Variants in KCTD16 observed in about 807,000 individuals in gnomAD.
The protein encoded by KCTD16 is BTB/POZ domain-containing protein KCTD16.
A neutral mutation model predicts 33.2 loss-of-function variants in KCTD16; 13 were observed. That is an observed-to-expected ratio of 0.39 (90% CI 0.25 to 0.62). The LOEUF is 0.62. Ranked by LOEUF, KCTD16 falls within the 20% of genes least tolerant of loss-of-function variation. The probability of loss-of-function intolerance (pLI) is 0.50; values close to 1 mark genes in which losing one functional copy is unlikely to be tolerated. For synonymous variants in KCTD16, 197 were observed against 195.3 expected, an observed-to-expected ratio of 1.01 and a Z score of -0.07; for missense variants, 441 against 525.1, an observed-to-expected ratio of 0.84 and a Z score of 1.57.
Position 144,379,943 on chromosome 5 carries a change from A to T in KCTD16, c.833-93717A>T, listed in dbSNP as rs374996227. Among the ~76,000 whole-genome samples, 35 of 152,162 alleles carry T rather than the reference A, an allele frequency of 2.3e-4. No homozygotes were observed. The East Asian group carries it at 6.6e-3, about 29-fold the overall frequency. On this transcript the variant is annotated intron_variant, in intron 3 of 3. Coordinates refer to ENST00000512467, the MANE Select transcript of KCTD16 (RefSeq NM_020768.4). ...ATTGTAAATGTAGTCTATATTTTTAATTTTTTTCATTTTCCTTACATACAT... is the reference window on the plus strand; with the variant it reads ...ATTGTAAATGTAGTCTATATTTTTATTTTTTTTCATTTTCCTTACATACAT...
At chr5:144,298,735 A>G (rs1756117180) in intron 3 of KCTD16, among the ~76,000 whole-genome samples, 1 of 152,052 alleles carries the variant, frequency 6.6e-6, no homozygotes, top group Admixed American at 6.6e-5. Context: ...TTGTTTTCAG[A>G]TGCGACTGAG....
chr5:144,267,666 A>G (rs979464798), intron 3 of KCTD16, among the ~76,000 whole-genome samples: 5 of 152,118 alleles, frequency 3.3e-5, no homozygotes, highest in African/African-American at 1.2e-4. Context: ...CAAAGTTTCC[A>G]CAGAGGATCT....
chr5:144,364,035 T>A (rs1033623230), intron 3 of KCTD16, among the ~76,000 whole-genome samples: 1 of 152,226 alleles, frequency 6.6e-6, no homozygotes, highest in Non-Finnish European at 1.5e-5. Context: ...GACTTTTTAA[T>A]GTTTGTTAGA....
chr5:144,330,411 C>CAAA (rs10577099), intron 3 of KCTD16, among the ~76,000 whole-genome samples: 97 of 87,086 alleles, frequency 1.1e-3, no homozygotes, highest in East Asian at 1.9e-3. Context: ...GAAACTCCAT[C>CAAA]AAAAAAAAAA....
At chr5:144,417,840 T>C (rs1321059464) in intron 3 of KCTD16, among the ~76,000 whole-genome samples, 2 of 152,150 alleles carry the variant, frequency 1.3e-5, no homozygotes, top group Admixed American at 6.6e-5. Flanking sequence ...TGGTATTATT[T>C]GTTGAAGATG....
chr5:144,346,201 G>A (rs988823539), intron 3 of KCTD16, among the ~76,000 whole-genome samples: 2 of 151,960 alleles, frequency 1.3e-5, no homozygotes, highest in African/African-American at 4.8e-5. Flanking sequence ...TTCTTTTTAT[G>A]GTTGAATAGT....
intron 3 of KCTD16, among the ~76,000 whole-genome samples, chr5:144,275,672 T>TA (rs1755420316): frequency 6.6e-6 from 1 of 152,138 alleles, no homozygotes; most frequent in Admixed American, 6.6e-5. Flanking sequence ...AATTTAAAAA[T>TA]AAATACGTGC....
intron 3 of KCTD16, among the ~76,000 whole-genome samples, chr5:144,345,121 C>T (rs531664706): frequency 1.8e-4 from 27 of 149,760 alleles, no homozygotes; most frequent in Admixed American, 4.0e-4. Flanking sequence ...AACCAAACAC[C>T]GCATGTTCTC....
intron 3 of KCTD16, among the ~76,000 whole-genome samples, chr5:144,459,712 C>G (rs960873573): frequency 6.6e-6 from 1 of 151,692 alleles, no homozygotes; most frequent in Admixed American, 6.6e-5. Flanking sequence ...TTAAATCATG[C>G]AATTTCCTGG....
At chr5:144,457,430 G>C (rs1176197775) in intron 3 of KCTD16, among the ~76,000 whole-genome samples, 1 of 152,324 alleles carries the variant, frequency 6.6e-6, no homozygotes, top group South Asian at 2.1e-4. Flanking sequence ...AGGAACAACT[G>C]AGCTGACTCT....
intron 3 of KCTD16, among the ~76,000 whole-genome samples, chr5:144,300,702 CTCATAATTGATATACAA>C (rs1490976105): frequency 1.3e-5 from 2 of 152,128 alleles, no homozygotes; most frequent in Non-Finnish European, 2.9e-5. Flanking sequence ...GCCATATAAA[CTCATAATTGATATACAA>C]TGTGGTTGGG....
At chr5:144,265,732 G>C (rs951516878) in intron 3 of KCTD16, among the ~76,000 whole-genome samples, 1 of 152,176 alleles carries the variant, frequency 6.6e-6, no homozygotes, top group Non-Finnish European at 1.5e-5. Flanking sequence ...TGATAATCAA[G>C]ATGTATTTGA....
intron 3 of KCTD16, among the ~76,000 whole-genome samples, chr5:144,345,315 T>A (rs374558811): frequency 1.3e-5 from 2 of 152,098 alleles, no homozygotes; most frequent in East Asian, 3.9e-4. Context: ...GTAACTAAGC[T>A]GCACATTGTG....
At chr5:144,228,173 C>G (rs563133852) in intron 3 of KCTD16, among the ~76,000 whole-genome samples, 1 of 152,014 alleles carries the variant, frequency 6.6e-6, no homozygotes, top group East Asian at 1.9e-4. Flanking sequence ...GAGAGTAGGT[C>G]CGAGAATGGA....
chr5:144,224,300 G>A (rs1254000175), intron 3 of KCTD16, among the ~76,000 whole-genome samples: 1 of 148,892 alleles, frequency 6.7e-6, no homozygotes, highest in Admixed American at 6.7e-5. Context: ...TAAATGCTTT[G>A]TACCTAGTAG....
intron 3 of KCTD16, among the ~76,000 whole-genome samples, chr5:144,345,936 G>C (rs1752788210): frequency 6.7e-6 from 1 of 150,216 alleles, no homozygotes. Context: ...CTATCAAATA[G>C]TAGGTCTTAT....
At position 144,311,959 on chromosome 5, in the gene KCTD16, A is replaced by G. The variant is rs558188275; in HGVS notation, c.832+104413A>G. Among the ~76,000 whole-genome samples, 8 of 151,054 alleles carry G rather than the reference A, an allele frequency of 5.3e-5. No individual in the cohort carries two copies. The South Asian group carries it at 8.3e-4, about 16-fold the overall frequency. Reference sequence around the variant, plus strand: ...AAAAGGTGATTTCTTTTTTTTTTCTATTACTAAGTGTTTTAAAACTTCTTC... The same window carrying G: ...AAAAGGTGATTTCTTTTTTTTTTCTGTTACTAAGTGTTTTAAAACTTCTTC... On this transcript the variant is annotated intron_variant, in intron 3 of 3. Transcript: ENST00000512467.
chr5:144,367,871 T>A (rs1172081209), intron 3 of KCTD16, among the ~76,000 whole-genome samples: 1 of 150,362 alleles, frequency 6.7e-6, no homozygotes. Flanking sequence ...GAGTACCTGA[T>A]GTTTAGTTCC....
intron 3 of KCTD16, among the ~76,000 whole-genome samples, chr5:144,457,562 G>T (rs1243826782): frequency 6.6e-6 from 1 of 152,160 alleles, no homozygotes; most frequent in East Asian, 1.9e-4. Context: ...AAAACAGGGG[G>T]TGGAGGGAAA....
Sources: allele counts gnomAD v4.1 joint callset (sites outside exome capture counted in the v4.1 genomes callset), GRCh38; gene constraint gnomAD v4.1.1; transcripts MANE v1.5; gene names NCBI Gene and HGNC (gene_info 2026-07-23, HGNC 2026-07-21).